Variants in ASTN1 observed in about 807,000 individuals in gnomAD.
ASTN1 encodes astrotactin-1.
In ASTN1, 41 loss-of-function variants were observed where a neutral mutation model predicts 140.7. The ratio of observed to expected loss-of-function variants is 0.29; its 90% CI spans 0.23 to 0.38. The LOEUF (loss-of-function observed/expected upper bound fraction) is 0.38, where lower values mean the gene tolerates loss of function less well. Ranked by LOEUF, ASTN1 falls within the 10% of genes least tolerant of loss-of-function variation. The probability of loss-of-function intolerance (pLI) is 1.00; values close to 1 mark genes in which losing one functional copy is unlikely to be tolerated. For synonymous variants in ASTN1, 640 were observed against 652.2 expected (o/e 0.98, Z 0.29); for missense variants, 1,479 against 1,678.8 (o/e 0.88, Z 2.08).
At chr1:176,926,666 C>T (rs1475431634) in intron 16 of ASTN1, among the ~76,000 whole-genome samples, 1 of 152,168 alleles carries the variant, frequency 6.6e-6, no homozygotes, top group Non-Finnish European at 1.5e-5. Flanking sequence ...GCCATAATTG[C>T]TTTTCTACTT....
At chr1:176,861,045 G>A (rs903605819), downstream of ASTN1, 26 of 941,166 alleles carry the variant, frequency 2.8e-5, no homozygotes, top group Middle Eastern at 5.4e-4. Flanking sequence ...ATTACTGAAA[G>A]ACACAACATC....
chr1:176,973,861 G>A (rs1177839941), intron 8 of ASTN1, among the ~76,000 whole-genome samples: 1 of 152,112 alleles, frequency 6.6e-6, no homozygotes, highest in Non-Finnish European at 1.5e-5. Context: ...CATTTCATAG[G>A]CAATGGGATA....
At chr1:177,075,230 C>T (rs1018614464) in intron 1 of ASTN1, among the ~76,000 whole-genome samples, 7 of 152,002 alleles carry the variant, frequency 4.6e-5, no homozygotes, top group South Asian at 2.1e-4. Context: ...TGTGCCACCA[C>T]GTCTGGCTAA....
chr1:176,966,676 GCATAT>G lies in ASTN1; in HGVS notation c.1524-1444_1524-1440del, dbSNP rs1056779772. Among the ~76,000 whole-genome samples the G allele has an allele frequency of 5.3e-5, 8 of 151,894 alleles. No homozygotes were observed. In the East Asian group the frequency reaches 1.2e-3, roughly 22 times the overall value. On this transcript the variant is annotated intron_variant, in intron 8 of 22. Coordinates refer to ENST00000361833, the MANE Select transcript of ASTN1 (RefSeq NM_004319.3). ...GTGTATCAGTCTGTATTGCTCTCAC[GCATAT>G]CATAATACAGTATTGCATATTATAT... is the stretch of plus-strand genomic sequence containing the variant.
At chr1:177,122,098 G>A (rs538699560) in intron 1 of ASTN1, among the ~76,000 whole-genome samples, 2 of 152,150 alleles carry the variant, frequency 1.3e-5, no homozygotes, top group Non-Finnish European at 2.9e-5. Flanking sequence ...GAGATCGATG[G>A]GGACCCTACT....
At chr1:176,894,899 C>T in intron 16 of ASTN1, 69 bp from the exon 17 acceptor site, 1 of 1,587,344 alleles carries the variant, frequency 6.3e-7, no homozygotes, top group Non-Finnish European at 8.6e-7. Flanking sequence ...ACCTCGTGGC[C>T]CCTGAGTGCT....
chr1:177,119,710 G>C (rs1211795472), intron 1 of ASTN1, among the ~76,000 whole-genome samples: 1 of 152,090 alleles, frequency 6.6e-6, no homozygotes, highest in African/African-American at 2.4e-5. Context: ...TGACCACTAC[G>C]GACTAGTGTG....
At chr1:177,124,156 C>T (rs1017529943) in intron 1 of ASTN1, among the ~76,000 whole-genome samples, 7 of 152,090 alleles carry the variant, frequency 4.6e-5, no homozygotes, top group Non-Finnish European at 1.0e-4. Flanking sequence ...AGCATCTTTT[C>T]CCCACTAGGA....
At position 176,863,191 on chromosome 1, in the gene ASTN1, T is replaced by A; in HGVS notation, c.*1093A>T. On this transcript the variant is annotated 3_prime_UTR_variant, in exon 23 of 23. Coordinates refer to ENST00000361833, the MANE Select transcript of ASTN1 (RefSeq NM_004319.3). ...GACCATGGTGGAATCCTCCTGCTTA[T>A]GGTCATCAGAGAAACGATTTGCAAA... 2 of 985,938 alleles carry A rather than the reference T, an allele frequency of 2.0e-6. No individual in the cohort carries two copies. Among genetic ancestry groups the A allele is most frequent in the Non-Finnish European group, 2.4e-6 (2 of 829,952 alleles). 61.1% of individuals were successfully genotyped at this position (985,938 alleles called of 1,614,324 possible).
At chr1:176,973,534 T>C (rs1264308861) in intron 8 of ASTN1, among the ~76,000 whole-genome samples, 2 of 152,188 alleles carry the variant, frequency 1.3e-5, no homozygotes, top group Non-Finnish European at 2.9e-5. Flanking sequence ...CCCTGACCGC[T>C]AACCTCAAGT....
rs560968346 is a variant in ASTN1 at position 177,049,778 on chromosome 1, C to T, written c.471+11300G>A. ...TTGAAAGCTACAAGCAGAGCCCTGGCTGGGACCTGTTGGTGTTGCCTTATC... is the reference window on the plus strand; with the variant it reads ...TTGAAAGCTACAAGCAGAGCCCTGGTTGGGACCTGTTGGTGTTGCCTTATC... On this transcript the variant is annotated intron_variant, in intron 2 of 22. Transcript: ENST00000361833. Among the ~76,000 whole-genome samples the T allele has an allele frequency of 1.2e-3, 176 of 152,304 alleles. 1 individual carries two copies. Among genetic ancestry groups the T allele is most frequent in the African/African-American group, 4.1e-3 (170 of 41,578 alleles).
intron 16 of ASTN1, among the ~76,000 whole-genome samples, chr1:176,897,904 A>G (rs1259452103): frequency 1.3e-5 from 2 of 152,126 alleles, no homozygotes; most frequent in Admixed American, 6.5e-5. Flanking sequence ...ATACCCAGGC[A>G]TGCTCCCCAC....
intron 2 of ASTN1, among the ~76,000 whole-genome samples, chr1:177,043,450 A>G (rs1677069573): frequency 6.6e-6 from 1 of 152,236 alleles, no homozygotes; most frequent in Non-Finnish European, 1.5e-5. Flanking sequence ...AAAAGATGAC[A>G]ACGGCCATTC....
At chr1:177,115,443 A>G (rs1396531880) in intron 1 of ASTN1, among the ~76,000 whole-genome samples, 1 of 152,116 alleles carries the variant, frequency 6.6e-6, no homozygotes, top group Admixed American at 6.6e-5. Context: ...AGGCCAAGGC[A>G]GGTGGATCAC....
chr1:176,957,888 G>A, intron 10 of ASTN1, 60 bp from the exon 11 acceptor site: 1 of 1,557,352 alleles, frequency 6.4e-7, no homozygotes, highest in Non-Finnish European at 8.7e-7. Flanking sequence ...TGCAACAAGT[G>A]GCATTACATT....
intron 1 of ASTN1, among the ~76,000 whole-genome samples, chr1:177,133,646 A>G (rs1384368269): frequency 3.3e-5 from 5 of 152,228 alleles, no homozygotes; most frequent in Non-Finnish European, 7.3e-5. Context: ...CTGCTAATGT[A>G]AAGACCTTCT....
At chr1:176,957,577 G>T in intron 11 of ASTN1, 101 bp downstream of exon 11, 2 of 1,427,676 alleles carry the variant, frequency 1.4e-6, no homozygotes, top group East Asian at 2.3e-5. Flanking sequence ...TACAACTGGG[G>T]ATCACAGCAC....
At chr1:177,010,505 A>G (rs1217901367) in intron 8 of ASTN1, among the ~76,000 whole-genome samples, 1 of 152,206 alleles carries the variant, frequency 6.6e-6, no homozygotes, top group East Asian at 1.9e-4. Flanking sequence ...GAAATCTGTC[A>G]TCTGTGACTT....
At chr1:177,011,563 AC>A in intron 8 of ASTN1, among the ~76,000 whole-genome samples, 1 of 147,884 alleles carries the variant, frequency 6.8e-6, no homozygotes, top group Non-Finnish European at 1.5e-5. Context: ...TCATGCACAT[AC>A]ACACACACAC....
Sources: gnomAD v4.1 joint callset for allele counts (sites outside exome capture counted in the v4.1 genomes callset) on GRCh38, gnomAD v4.1.1 for gene constraint, MANE v1.5 for transcripts, NCBI Gene and HGNC (gene_info 2026-07-23, HGNC 2026-07-21) for gene names.